The following KAT6B variants were observed in gnomAD, a reference collection of about 807,000 sequenced individuals.
KAT6B encodes the protein lysine acetyltransferase 6B.
KAT6B carries 10 observed loss-of-function variants against 187.5 expected under a neutral mutation model. The observed-to-expected ratio is 0.05, with a 90% confidence interval of 0.03 to 0.09. The LOEUF is 0.09. Ranked by LOEUF, KAT6B falls within the 10% of genes least tolerant of loss-of-function variation. The pLI, the probability that KAT6B is intolerant of heterozygous loss-of-function variation, is 1.00. For missense variants in KAT6B, 1,952 were observed against 2,558.9 expected, an observed-to-expected ratio of 0.76 and a Z score of 5.12; for synonymous variants, 861 against 926.8, an observed-to-expected ratio of 0.93 and a Z score of 1.29.
chr10:75,002,500 A>G (rs1274779118), intron 13 of KAT6B, among the ~76,000 whole-genome samples: 1 of 152,146 alleles, frequency 6.6e-6, no homozygotes, highest in Non-Finnish European at 1.5e-5. Context: ...GAAATGCACC[A>G]TTAGGCAACT....
chr10:74,987,931 T>A (rs978132011), intron 12 of KAT6B, among the ~76,000 whole-genome samples: 2 of 152,226 alleles, frequency 1.3e-5, no homozygotes, highest in Admixed American at 6.5e-5. Context: ...GAGGGACAAT[T>A]CATCTTCTTA....
intron 3 of KAT6B, among the ~76,000 whole-genome samples, chr10:74,892,173 G>A (rs1017751715): frequency 5.9e-5 from 9 of 152,270 alleles, no homozygotes; most frequent in Admixed American, 2.6e-4. Flanking sequence ...TTCGAGACCA[G>A]CCTGGGCAAA....
chr10:74,939,440 G>T (rs573070858), intron 3 of KAT6B, among the ~76,000 whole-genome samples: 6 of 151,972 alleles, frequency 3.9e-5, no homozygotes, highest in African/African-American at 1.4e-4. Context: ...AGTCTCTGTT[G>T]CCCAGGCTGG....
At chr10:74,860,340 C>A (rs1843091962) in intron 3 of KAT6B, among the ~76,000 whole-genome samples, 3 of 152,050 alleles carry the variant, frequency 2.0e-5, no homozygotes, top group Admixed American at 2.0e-4. Flanking sequence ...GATTTGAAGG[C>A]TGTACAAAAA....
At chr10:74,866,026 C>T (rs1052677329) in intron 3 of KAT6B, among the ~76,000 whole-genome samples, 1 of 151,986 alleles carries the variant, frequency 6.6e-6, no homozygotes, top group Non-Finnish European at 1.5e-5. Flanking sequence ...GATTTTTTGT[C>T]TCTGTGGGTT....
At chr10:75,014,441 A>G (rs1844838705) in intron 13 of KAT6B, among the ~76,000 whole-genome samples, 1 of 151,586 alleles carries the variant, frequency 6.6e-6, no homozygotes, top group African/African-American at 2.4e-5. Context: ...AATTTTATTT[A>G]TATTTTAGAA....
chr10:74,921,933 C>G (rs908032552), intron 3 of KAT6B, among the ~76,000 whole-genome samples: 1 of 152,240 alleles, frequency 6.6e-6, no homozygotes, highest in African/African-American at 2.4e-5. Flanking sequence ...CAGACCCTGA[C>G]TCCCCCTTGC....
chr10:74,851,044 A>G (rs950804459), intron 3 of KAT6B, among the ~76,000 whole-genome samples: 2 of 152,200 alleles, frequency 1.3e-5, no homozygotes, highest in African/African-American at 4.8e-5. Context: ...GAATCTTACA[A>G]AAAGCCTTCA....
chr10:74,943,593 A>C (rs1018534388), intron 3 of KAT6B, among the ~76,000 whole-genome samples: 4 of 152,240 alleles, frequency 2.6e-5, no homozygotes, highest in African/African-American at 9.6e-5. Flanking sequence ...CTGGTTATAC[A>C]TATGGGAAAA....
At chr10:74,937,654 C>T (rs939528291) in intron 3 of KAT6B, among the ~76,000 whole-genome samples, 32 of 152,314 alleles carry the variant, frequency 2.1e-4, no homozygotes, top group Admixed American at 1.3e-4. Context: ...TAAAGCCTGA[C>T]TACCCTGGGA....
At chr10:74,832,131 C>T (rs1200666711) in intron 1 of KAT6B, among the ~76,000 whole-genome samples, 3 of 152,174 alleles carry the variant, frequency 2.0e-5, no homozygotes, top group African/African-American at 7.2e-5. Context: ...GGTCTGTTAA[C>T]CCTTAAAAAT....
intron 3 of KAT6B, among the ~76,000 whole-genome samples, chr10:74,921,373 CA>C (rs1176447455): frequency 3.2e-4 from 49 of 152,110 alleles, no homozygotes; most frequent in African/African-American, 1.1e-3. Context: ...CTTGAACTCC[CA>C]AAGTGCTGGG....
intron 13 of KAT6B, among the ~76,000 whole-genome samples, chr10:74,992,954 G>A (rs951317335): frequency 3.9e-5 from 6 of 152,148 alleles, no homozygotes; most frequent in Admixed American, 6.5e-5. Flanking sequence ...GGTTGAGAAC[G>A]CATTCCTTCC....
At chr10:74,827,515 T>C (rs1840360088) in intron 1 of KAT6B, among the ~76,000 whole-genome samples, 1 of 151,994 alleles carries the variant, frequency 6.6e-6, no homozygotes, top group African/African-American at 2.4e-5. Context: ...GTATGAAGTA[T>C]TTTTTAAAAA....
chr10:74,849,262 G>C (rs890858987), intron 3 of KAT6B, among the ~76,000 whole-genome samples: 3 of 147,592 alleles, frequency 2.0e-5, no homozygotes, highest in African/African-American at 7.6e-5. Context: ...GATTATAGAC[G>C]TGAGCTACTA....
chr10:74,862,592 T>C (rs1696211915), intron 3 of KAT6B, among the ~76,000 whole-genome samples: 1 of 152,190 alleles, frequency 6.6e-6, no homozygotes, highest in South Asian at 2.1e-4. Flanking sequence ...GATCTACTTA[T>C]GTGGCTGAGG....
At chr10:74,916,734 G>A (rs142998463) in intron 3 of KAT6B, among the ~76,000 whole-genome samples, 103 of 152,320 alleles carry the variant, frequency 6.8e-4, no homozygotes, top group African/African-American at 2.4e-3. Context: ...AATTCAGATA[G>A]TGTAGATATG....
At chr10:74,854,586 C>A (rs974844958) in intron 3 of KAT6B, among the ~76,000 whole-genome samples, 1 of 151,754 alleles carries the variant, frequency 6.6e-6, no homozygotes, top group Non-Finnish European at 1.5e-5. Context: ...TGCAAAGATA[C>A]AAAGTAAATA....
At chr10:74,951,983 A>G (rs138337121) in intron 3 of KAT6B, among the ~76,000 whole-genome samples, 1 of 152,308 alleles carries the variant, frequency 6.6e-6, no homozygotes, top group East Asian at 1.9e-4. Context: ...GATGGAACTT[A>G]TGGTTTAGTA....
Sources: gnomAD v4.1 joint callset for allele counts (sites outside exome capture counted in the v4.1 genomes callset) on GRCh38, gnomAD v4.1.1 for gene constraint, MANE v1.5 for transcripts, NCBI Gene and HGNC (gene_info 2026-07-23, HGNC 2026-07-21) for gene names.